The following TBC1D1 variants were observed in gnomAD, a reference collection of about 807,000 sequenced individuals.
The protein encoded by TBC1D1 is TBC1 domain family member 1, also known as TBC1 (tre-2/USP6, BUB2, cdc16) domain family, member 1.
A neutral mutation model predicts 125.6 loss-of-function variants in TBC1D1; 89 were observed. The ratio of observed to expected loss-of-function variants is 0.71; its 90% CI spans 0.60 to 0.85. The LOEUF is 0.85. Ranked by LOEUF, TBC1D1 falls within the 40% of genes least tolerant of loss-of-function variation. TBC1D1 has a pLI of 0.00. For missense variants in TBC1D1, 1,377 were observed against 1,469.2 expected, an observed-to-expected ratio of 0.94 and a Z score of 1.03; for synonymous variants, 565 against 564.1, an observed-to-expected ratio of 1.00 and a Z score of -0.02.
rs1336398652 is a variant in TBC1D1, at chr4:38,137,150, A to T, written c.3322A>T (p.Ile1108Phe). 2 of 1,613,478 alleles carry T rather than the reference A, an allele frequency of 1.2e-6. No individual in the cohort carries two copies. Among genetic ancestry groups the T allele is most frequent in the East Asian group, 4.5e-5 (2 of 44,866 alleles). Residue 1108 changes from isoleucine to phenylalanine, a missense_variant, in exon 20 of 20, where the codon ATC becomes TTC. Around this residue, in one of 3 missense-constraint regions of TBC1D1, gnomAD observed 543 missense variants for 613.5 expected, o/e 0.89. Coordinates refer to ENST00000261439, the MANE Select transcript of TBC1D1 (RefSeq NM_015173.4). ...TATTCTCCAGGTGGCAAATGGTAGG[A>T]TCCAAAGCCTTGAGGCCACCATTGA...
intron 4 of TBC1D1, 100 bp from the exon 5 acceptor site, chr4:38,020,491 A>G: frequency 2.1e-6 from 2 of 959,650 alleles, no homozygotes; most frequent in Non-Finnish European, 3.2e-6. Flanking sequence ...AAAGATAATA[A>G]AAAGTAAAAT....
At chr4:38,118,818 G>A (rs1452023308) in intron 17 of TBC1D1, among the ~76,000 whole-genome samples, 2 of 152,232 alleles carry the variant, frequency 1.3e-5, no homozygotes, top group African/African-American at 4.8e-5. Flanking sequence ...AACCTTGGGT[G>A]GTTCACATGT....
At chr4:38,052,194 T>TGTGTGTGTGTGTGA in intron 11 of TBC1D1, 134 bp downstream of exon 12, 1 of 580,888 alleles carries the variant, frequency 1.7e-6, no homozygotes, top group South Asian at 3.0e-5. Flanking sequence ...TGTGTGTGTG[T>TGTGTGTGTGTGTGA]GCGCGCGCGT....
chr4:37,951,587 G>A lies in TBC1D1; in HGVS notation c.417+49075G>A, dbSNP rs150103736. On this transcript the variant is annotated intron_variant, in intron 2 of 19. Transcript: ENST00000261439. The stretch of plus-strand genomic sequence containing the variant: ...TTTATTCTTGTGCCCAAGACTCTCC[G>A]CGAGATTTATCTTCTGTGGTCACAG... Among the ~76,000 whole-genome samples the A allele has an allele frequency of 2.0e-4, 30 of 152,200 alleles. No homozygotes were observed. The East Asian group carries it at 4.2e-3, about 22-fold the overall frequency.
rs529483602 is a variant in TBC1D1, at chr4:37,897,542, G to A, written c.-93-4461G>A. Among the ~76,000 whole-genome samples the A allele has an allele frequency of 8.5e-5, 13 of 152,300 alleles. No homozygotes were observed. In the South Asian group the frequency reaches 2.7e-3, roughly 32 times the overall value. ...AAAACTTCAGGCATTGAAATGTTTT[G>A]TCAATGAAATGGCAGGACTCATTTG... On this transcript the variant is annotated intron_variant, in intron 1 of 19. Transcript: ENST00000261439.
chr4:38,025,975 G>C (rs1745005208), intron 6 of TBC1D1, among the ~76,000 whole-genome samples: 2 of 152,124 alleles, frequency 1.3e-5, no homozygotes. Flanking sequence ...GGAGGGCAGT[G>C]GAGCAGTTAA....
chr4:37,922,167 T>C (rs1422732714), intron 2 of TBC1D1, among the ~76,000 whole-genome samples: 1 of 152,220 alleles, frequency 6.6e-6, no homozygotes, highest in Non-Finnish European at 1.5e-5. Flanking sequence ...TTGTAATTTA[T>C]AAAATACTTT....
chr4:37,902,867 T>G (rs916441305), intron 2 of TBC1D1, among the ~76,000 whole-genome samples: 6 of 152,244 alleles, frequency 3.9e-5, no homozygotes, highest in Admixed American at 3.3e-4. Context: ...CTTGTTAAAA[T>G]GTGAATCTTG....
chr4:38,104,509 G>A (rs1279251618), intron 15 of TBC1D1, among the ~76,000 whole-genome samples: 1 of 152,168 alleles, frequency 6.6e-6, no homozygotes, highest in Admixed American at 6.5e-5. Context: ...GTAGGAGATG[G>A]GCCCTGCTGC....
chr4:38,020,119 A>G (rs1743686491), intron 4 of TBC1D1, among the ~76,000 whole-genome samples: 1 of 152,196 alleles, frequency 6.6e-6, no homozygotes, highest in Admixed American at 6.5e-5. Flanking sequence ...AACCAACTTT[A>G]TTTGAGATGT....
intron 12 of TBC1D1, among the ~76,000 whole-genome samples, chr4:38,060,088 G>A (rs1004154023): frequency 1.3e-5 from 2 of 152,210 alleles, no homozygotes; most frequent in African/African-American, 2.4e-5. Context: ...GTAGTCCATG[G>A]TGTATATGTA....
chr4:37,950,257 C>T (rs1282900587), intron 2 of TBC1D1, among the ~76,000 whole-genome samples: 1 of 152,066 alleles, frequency 6.6e-6, no homozygotes, highest in Non-Finnish European at 1.5e-5. Flanking sequence ...GCCTCATTTT[C>T]CTCATCTGTA....
intron 2 of TBC1D1, among the ~76,000 whole-genome samples, chr4:37,910,949 T>G (rs1186463890): frequency 6.6e-6 from 1 of 151,576 alleles, no homozygotes; most frequent in Non-Finnish European, 1.5e-5. Flanking sequence ...CATTTAAAAA[T>G]AAAAGATATT....
At position 38,133,019 on chromosome 4, in the gene TBC1D1, C is replaced by T. The variant is rs868122258; in HGVS notation, c.3133-65C>T. On this transcript the variant is annotated intron_variant, in intron 18 of 19. Transcript: ENST00000261439. ...AGGTGCGCATTGTCGTGATTGCAGA[C>T]GCCTGCCTGTACTTGTGGGGTTTTT... is the stretch of plus-strand genomic sequence containing the variant. 56 of 1,474,374 alleles carry T rather than the reference C, an allele frequency of 3.8e-5. No homozygotes were observed. The Middle Eastern group carries it at 2.0e-3, about 53-fold the overall frequency. The allele number at this position is 1,474,374 out of a possible 1,614,324, so 91.3% of individuals were successfully genotyped here.
At chr4:37,933,108 G>A (rs1185088732) in intron 2 of TBC1D1, among the ~76,000 whole-genome samples, 2 of 151,214 alleles carry the variant, frequency 1.3e-5, no homozygotes, top group African/African-American at 4.9e-5. Context: ...CATTATAATA[G>A]GTGTGACACC....
intron 8 of TBC1D1, among the ~76,000 whole-genome samples, chr4:38,041,823 G>A (rs2152466795): frequency 6.6e-6 from 1 of 152,302 alleles, no homozygotes; most frequent in Non-Finnish European, 1.5e-5. Flanking sequence ...CATATGGCCA[G>A]GTGTGGGGAA....
At chr4:37,997,027 T>C (rs1320080347) in intron 2 of TBC1D1, among the ~76,000 whole-genome samples, 1 of 152,216 alleles carries the variant, frequency 6.6e-6, no homozygotes, top group African/African-American at 2.4e-5. Context: ...TTTTAAAAAA[T>C]TAATTTTGGT....
At chr4:37,894,956 T>C (rs1714221460) in intron 1 of TBC1D1, among the ~76,000 whole-genome samples, 1 of 152,156 alleles carries the variant, frequency 6.6e-6, no homozygotes, top group South Asian at 2.1e-4. Flanking sequence ...TTTGGTAAAA[T>C]GAGCATGACA....
chr4:37,994,098 A>C (rs754268682), intron 2 of TBC1D1, among the ~76,000 whole-genome samples: 2 of 152,226 alleles, frequency 1.3e-5, no homozygotes, highest in East Asian at 3.8e-4. Flanking sequence ...GAACCTGCTC[A>C]GGAGGTCCTG....
Sources: allele counts gnomAD v4.1 joint callset (sites outside exome capture counted in the v4.1 genomes callset), GRCh38; gene constraint gnomAD v4.1.1; regional missense constraint gnomAD v4.1.1; transcripts MANE v1.5; gene names NCBI Gene and HGNC (gene_info 2026-07-23, HGNC 2026-07-21).